PON3: variants seen among roughly 807,000 people sequenced by gnomAD.
PON3 encodes serum paraoxonase/lactonase 3.
In PON3, 37 loss-of-function variants were observed where a neutral mutation model predicts 36.3. That is an observed-to-expected ratio of 1.02 (90% confidence interval 0.78 to 1.34). The LOEUF is 1.34. Ranked by LOEUF, PON3 falls within the 40% of genes most tolerant of loss-of-function variation. The pLI, the probability that PON3 is intolerant of heterozygous loss-of-function variation, is 0.00. For synonymous variants in PON3, 155 were observed against 154.8 expected (o/e 1.00, Z -0.01); for missense variants, 415 against 426.5 (o/e 0.97, Z 0.24).
chr7:95,390,796 T>G (rs1809301477), intron 2 of PON3, among the ~76,000 whole-genome samples: 1 of 152,196 alleles, frequency 6.6e-6, no homozygotes, highest in Non-Finnish European at 1.5e-5. Context: ...TTCAGCATTT[T>G]TTTCTATGGA....
intron 5 of PON3, among the ~76,000 whole-genome samples, chr7:95,366,190 C>G (rs1206220730): frequency 6.6e-6 from 1 of 152,294 alleles, no homozygotes; most frequent in Non-Finnish European, 1.5e-5. Context: ...CTGGGAGACT[C>G]TTCCTGTGAG....
At chr7:95,374,547 T>C (rs1203664141) in intron 3 of PON3, among the ~76,000 whole-genome samples, 2 of 152,170 alleles carry the variant, frequency 1.3e-5, no homozygotes, top group African/African-American at 2.4e-5. Flanking sequence ...TCTTCATATA[T>C]GCATTTATCT....
At chr7:95,394,881 G>A (rs974055206) in intron 1 of PON3, 167 bp from the exon 2 acceptor site, 39 of 676,734 alleles carry the variant, frequency 5.8e-5, no homozygotes, top group South Asian at 5.7e-4. Flanking sequence ...ACATAATGTA[G>A]ACATTATGTG....
chr7:95,362,819 C>T lies in PON3; in HGVS notation c.718G>A (p.Ala240Thr), dbSNP rs757863567. The change falls in exon 7 of 9, where the codon GCA becomes ACA. Residue 240 changes from alanine (A) to threonine (T), a missense_variant. Transcript: ENST00000265627. The part of the protein sequence containing the change: ...DQKYVYVADV[A>T]AKNIHIMEKH... ...TCCATTATGTGAATGTTCTTAGCTG[C>T]TACATCAGCTACATAGACATACCTT... The T allele has an allele frequency of 1.7e-5, 27 of 1,608,778 alleles. No individual in the cohort carries two copies. The highest frequency in any genetic ancestry group is 2.3e-5 in the Non-Finnish European group (27 of 1,175,518).
intron 1 of PON3, among the ~76,000 whole-genome samples, chr7:95,395,397 T>TA (rs535267428): frequency 1.5e-3 from 235 of 152,258 alleles, no homozygotes; most frequent in Admixed American, 3.6e-3. Flanking sequence ...GTCATTTATT[T>TA]AAAAAAATAC....
chr7:95,361,112 A>G (rs1054189182), intron 8 of PON3, among the ~76,000 whole-genome samples: 1 of 152,164 alleles, frequency 6.6e-6, no homozygotes, highest in Admixed American at 6.6e-5. Flanking sequence ...TTTAAAGGAA[A>G]GTTTTGTCTA....
chr7:95,377,236 T>G (rs1238426735), intron 3 of PON3, among the ~76,000 whole-genome samples: 1 of 152,292 alleles, frequency 6.6e-6, no homozygotes, highest in East Asian at 1.9e-4. Flanking sequence ...GGCGGTTTTG[T>G]GCTCACAGTG....
rs1390787104 is a variant in PON3, at chr7:95,377,970, G to A, written c.202-5632C>T. On this transcript the variant is annotated intron_variant, in intron 3 of 8. Transcript: ENST00000265627. ...AATAACAAACTTCTCCGAGCTAAAG[G>A]AGCATGTTCTAACCCATCACAAGGA... is the stretch of plus-strand genomic sequence containing the variant. Among the ~76,000 whole-genome samples the A allele has an allele frequency of 4.6e-5, 7 of 152,110 alleles. No homozygotes were observed. In the South Asian group the frequency reaches 6.2e-4, roughly 14 times the overall value.
intron 3 of PON3, among the ~76,000 whole-genome samples, chr7:95,385,564 C>G (rs1211683995): frequency 6.6e-6 from 1 of 152,056 alleles, no homozygotes; most frequent in African/African-American, 2.4e-5. Context: ...CTGGACCAAG[C>G]AGACCTCATA....
intron 3 of PON3, chr7:95,377,627 G>T (rs141215440): frequency 3.2e-5 from 13 of 404,814 alleles, no homozygotes; most frequent in Admixed American, 2.1e-4. Flanking sequence ...GTGATACCCA[G>T]GCAAACAGGG....
Position 95,360,064 on chromosome 7 carries a change from G to C in PON3, c.974C>G (p.Ser325Cys). 6.2e-7 allele frequency: 1 copy of C among 1,613,128 alleles called. No homozygotes were observed. Among genetic ancestry groups the C allele is most frequent in the East Asian group, 2.2e-5 (1 of 44,808 alleles). The change falls in exon 9 of 9, where the codon TCT becomes TGT. Residue 325 changes from serine to cysteine, a missense_variant. Ser to Cys is a moderately radical substitution (Grantham distance 112, BLOSUM62 -1). Transcript: ENST00000265627. ...RVSTVYANNGSVLQGTSVASV... is the reference protein window; with the variant it reads ...RVSTVYANNGCVLQGTSVASV... The stretch of plus-strand genomic sequence containing the variant: ...AGCCACAGAGGTGCCCTGAAGCACA[G>C]AGCCATTGTTGGCATACACGGTGCT...
intron 3 of PON3, among the ~76,000 whole-genome samples, chr7:95,389,544 A>AT (rs1442785220): frequency 9.9e-5 from 15 of 152,102 alleles, no homozygotes; most frequent in African/African-American, 2.7e-4. Flanking sequence ...ATAAATACAC[A>AT]TTTTTTTGTT....
At chr7:95,373,987 A>G (rs1733833916) in intron 3 of PON3, among the ~76,000 whole-genome samples, 1 of 151,964 alleles carries the variant, frequency 6.6e-6, no homozygotes. Flanking sequence ...AGGAGTGCAA[A>G]CCCTATTGTG....
Position 95,360,230 on chromosome 7 carries a change from T to C in PON3, c.907-99A>G, listed in dbSNP as rs983926854. ...CTAGGATAAATCTATTTTTCAGAAA[T>C]CAGAAGCTAAAATCTGTATATCTTC... On this transcript the variant is annotated intron_variant, in intron 8 of 8. Transcript: ENST00000265627. 3.3e-6 allele frequency: 4 copies of C among 1,205,696 alleles called. No individual in the cohort carries two copies. The African/African-American group carries it at 6.0e-5, about 18-fold the overall frequency. The allele number at this position is 1,205,696 out of a possible 1,614,324, so 74.7% of individuals were successfully genotyped here.
chr7:95,368,702 A>G (rs961127517), intron 4 of PON3, among the ~76,000 whole-genome samples: 3 of 152,234 alleles, frequency 2.0e-5, no homozygotes, highest in Middle Eastern at 3.4e-3. Flanking sequence ...AAGGGAGATG[A>G]CAAACAAATA....
Position 95,363,902 on chromosome 7 carries a change from A to G in PON3, c.656T>C (p.Phe219Ser). Residue 219 changes from phenylalanine (F) to serine (S), a missense_variant, in exon 6 of 9, where the codon TTT (phenylalanine) becomes TCT (serine). Phe to Ser is a radical substitution (Grantham distance 155, BLOSUM62 -2). Coordinates refer to ENST00000265627, the MANE Select transcript of PON3 (RefSeq NM_000940.3). ...PREVKVVAKG[F>S]CSANGITVSA... ...GACTGTGATCCCATTGGCACTACAA[A>G]ATCCTTTGGCCACCACTTTAACCTC... The G allele has an allele frequency of 6.2e-7, 1 of 1,613,772 alleles. No individual in the cohort carries two copies.
Position 95,363,799 on chromosome 7 carries a change from G to A in PON3, c.695+64C>T, listed in dbSNP as rs558448703. On this transcript the variant is annotated intron_variant, in intron 6 of 8. Coordinates refer to ENST00000265627, the MANE Select transcript of PON3 (RefSeq NM_000940.3). ...GCCTAAGTAAGGAAGTAACTTCCTC[G>A]TAAGGAAAGGAGTCCACGAAAATGT... is the stretch of plus-strand genomic sequence containing the variant. 4.8e-5 allele frequency: 71 copies of A among 1,471,698 alleles called. No homozygotes were observed. The African/African-American group carries it at 6.4e-4, about 13-fold the overall frequency. 91.2% of individuals were successfully genotyped at this position (1,471,698 alleles called of 1,614,324 possible).
intron 3 of PON3, among the ~76,000 whole-genome samples, chr7:95,373,258 C>T (rs1808848275): frequency 6.6e-6 from 1 of 152,192 alleles, no homozygotes; most frequent in African/African-American, 2.4e-5. Flanking sequence ...CTTTCCCTCT[C>T]CCTGTCCTTT....
chr7:95,369,499 G>A (rs993516374), intron 4 of PON3, among the ~76,000 whole-genome samples: 2 of 152,182 alleles, frequency 1.3e-5, no homozygotes, highest in African/African-American at 2.4e-5. Flanking sequence ...TGTAGGCTGG[G>A]AGTGGTGGCT....
Sources: allele counts gnomAD v4.1 joint callset (sites outside exome capture counted in the v4.1 genomes callset), GRCh38; gene constraint gnomAD v4.1.1; transcripts MANE v1.5; gene names NCBI Gene and HGNC (gene_info 2026-07-23, HGNC 2026-07-21).